RNLS: variants seen among roughly 807,000 people sequenced by gnomAD.
The protein encoded by RNLS is renalase, FAD dependent amine oxidase.
A neutral mutation model predicts 39.8 loss-of-function variants in RNLS; 39 were observed. That is an observed-to-expected ratio of 0.98 (90% CI 0.76 to 1.28). The LOEUF (loss-of-function observed/expected upper bound fraction) is 1.28, where lower values mean the gene tolerates loss of function less well. Among genes scored for constraint, RNLS ranks in the 50% most tolerant of loss-of-function variants. RNLS has a pLI of 0.00. For synonymous variants in RNLS, 147 were observed against 150.7 expected (o/e 0.98, Z 0.18); for missense variants, 410 against 413.3 (o/e 0.99, Z 0.07).
At chr10:88,552,164 G>C (rs1848634899) in intron 4 of RNLS, among the ~76,000 whole-genome samples, 1 of 152,120 alleles carries the variant, frequency 6.6e-6, no homozygotes, top group Admixed American at 6.6e-5. Flanking sequence ...AGGAATCAGA[G>C]ACTCAGAGAG....
chr10:88,261,531 T>C, the RNLS span, among the ~76,000 whole-genome samples: 11 of 152,290 alleles, frequency 7.2e-5, no homozygotes, highest in African/African-American at 2.2e-4. Flanking sequence ...TCTTATTAGA[T>C]GATTATACAT....
chr10:88,526,616 G>A (rs891974003), intron 4 of RNLS, among the ~76,000 whole-genome samples: 20 of 151,736 alleles, frequency 1.3e-4, no homozygotes, highest in Non-Finnish European at 7.4e-5. Context: ...ATTTAAAAAC[G>A]TAGCCAGGCA....
intron 4 of RNLS, among the ~76,000 whole-genome samples, chr10:88,495,889 G>A (rs1049954321): frequency 2.0e-5 from 3 of 152,018 alleles, no homozygotes; most frequent in African/African-American, 7.2e-5. Context: ...GTCAGGTGTC[G>A]GCTTCAAGTG....
intron 4 of RNLS, among the ~76,000 whole-genome samples, chr10:88,381,021 CATTTT>C (rs1453463780): frequency 1.3e-5 from 2 of 152,226 alleles, no homozygotes; most frequent in African/African-American, 2.4e-5. Context: ...ACAAAAGTGC[CATTTT>C]ATTTTAATTT....
chr10:88,247,027 G>A, the RNLS span, among the ~76,000 whole-genome samples: 1 of 152,172 alleles, frequency 6.6e-6, no homozygotes, highest in Non-Finnish European at 1.5e-5. Flanking sequence ...GAATCACGGT[G>A]AGATTAAGGA....
chr10:88,184,760 C>G, the RNLS span, among the ~76,000 whole-genome samples: 1 of 152,118 alleles, frequency 6.6e-6, no homozygotes, highest in Non-Finnish European at 1.5e-5. Context: ...TGGTGATATT[C>G]AAGTTTATTG....
At chr10:88,338,045 A>G (rs1847639947) in intron 5 of RNLS, among the ~76,000 whole-genome samples, 2 of 152,182 alleles carry the variant, frequency 1.3e-5, no homozygotes, top group Non-Finnish European at 2.9e-5. Flanking sequence ...ATTTCTTCAT[A>G]TGTGAAGTAA....
intron 4 of RNLS, among the ~76,000 whole-genome samples, chr10:88,542,215 A>AGG (rs1170503670): frequency 6.6e-6 from 1 of 151,986 alleles, no homozygotes; most frequent in African/African-American, 2.4e-5. Flanking sequence ...ATCAGCTCTG[A>AGG]GGGCCTGACT....
chr10:88,415,476 T>A lies in RNLS; in HGVS notation c.527-52751A>T, dbSNP rs140875108. On this transcript the variant is annotated intron_variant, in intron 4 of 6. Transcript: ENST00000331772. Reference sequence around the variant, plus strand: ...TTAGACTGGTGCTTTTTTAAATGACTTTTTTCCCCCCTCAACAAACTGGTC... The same window carrying A: ...TTAGACTGGTGCTTTTTTAAATGACATTTTTCCCCCCTCAACAAACTGGTC... Among the ~76,000 whole-genome samples, 511 of 151,862 alleles carry A rather than the reference T, an allele frequency of 3.4e-3. 4 individuals carry two copies. Among genetic ancestry groups the A allele is most frequent in the Middle Eastern group, 0.027 (8 of 294 alleles).
chr10:88,513,149 TATTTTTTCCCA>T (rs1328290537), intron 4 of RNLS, among the ~76,000 whole-genome samples: 1 of 152,182 alleles, frequency 6.6e-6, no homozygotes, highest in East Asian at 1.9e-4. Context: ...CCAGAGGCTA[TATTTTTTCCCA>T]ATTTTTTGCA....
At chr10:88,323,090 C>T (rs1282552933) in intron 5 of RNLS, among the ~76,000 whole-genome samples, 1 of 152,042 alleles carries the variant, frequency 6.6e-6, no homozygotes, top group Non-Finnish European at 1.5e-5. Flanking sequence ...GGTAAAAGAT[C>T]TATACAAGGA....
At chr10:88,295,161 T>C (rs1284561898) in intron 6 of RNLS, among the ~76,000 whole-genome samples, 1 of 152,208 alleles carries the variant, frequency 6.6e-6, no homozygotes, top group Non-Finnish European at 1.5e-5. Context: ...AAAGTGAGGA[T>C]AAAGATTATT....
chr10:88,503,262 T>A (rs1845603018), intron 4 of RNLS, among the ~76,000 whole-genome samples: 1 of 152,146 alleles, frequency 6.6e-6, no homozygotes, highest in East Asian at 1.9e-4. Flanking sequence ...ATGCCTGTAA[T>A]CCCAGCTACT....
At chr10:88,455,641 C>T (rs1212443724) in intron 4 of RNLS, among the ~76,000 whole-genome samples, 26 of 152,048 alleles carry the variant, frequency 1.7e-4, no homozygotes, top group African/African-American at 7.2e-5. Context: ...CTCTTGATCT[C>T]GTGATCCGCC....
At chr10:88,203,246 GT>G in the RNLS span, among the ~76,000 whole-genome samples, 1 of 28,584 alleles carries the variant, frequency 3.5e-5, no homozygotes, top group Non-Finnish European at 5.9e-5. Flanking sequence ...GTGTGTGTGT[GT>G]GTGTGTGTGT....
chr10:88,429,738 A>G (rs1387410673), intron 4 of RNLS, among the ~76,000 whole-genome samples: 3 of 151,852 alleles, frequency 2.0e-5, no homozygotes, highest in Non-Finnish European at 4.4e-5. Flanking sequence ...TTTTTATTCT[A>G]TAATTTTTTT....
intron 4 of RNLS, among the ~76,000 whole-genome samples, chr10:88,472,373 G>T (rs1161749107): frequency 5.3e-5 from 8 of 152,182 alleles, no homozygotes; most frequent in Non-Finnish European, 1.2e-4. Context: ...TCTGGTAGTG[G>T]TTTTAAAGAT....
chr10:88,205,298 A>G, the RNLS span, among the ~76,000 whole-genome samples: 6 of 152,222 alleles, frequency 3.9e-5, no homozygotes, highest in Admixed American at 2.6e-4. Flanking sequence ...CTACTAAGTA[A>G]AATTGAGTTA....
chr10:88,311,724 C>T (rs780165767), intron 6 of RNLS, among the ~76,000 whole-genome samples: 11 of 152,118 alleles, frequency 7.2e-5, no homozygotes, highest in Non-Finnish European at 1.3e-4. Context: ...AGAGTACTAG[C>T]CATATTGTAG....
Sources: gnomAD v4.1 joint callset for allele counts (sites outside exome capture counted in the v4.1 genomes callset) on GRCh38, gnomAD v4.1.1 for gene constraint, MANE v1.5 for transcripts, NCBI Gene and HGNC (gene_info 2026-07-23, HGNC 2026-07-21) for gene names.